Variants in LPIN1 observed in about 807,000 individuals in gnomAD.
LPIN1 encodes the protein lipin 1.
In LPIN1, 71 loss-of-function variants were observed where a neutral mutation model predicts 107.5. That is an observed-to-expected ratio of 0.66 (90% CI 0.55 to 0.80). The LOEUF (loss-of-function observed/expected upper bound fraction) is 0.80. Ranked by LOEUF, LPIN1 falls within the 30% of genes least tolerant of loss-of-function variation. The pLI, the probability that LPIN1 is intolerant of heterozygous loss-of-function variation, is 0.00. For synonymous variants in LPIN1, 445 were observed against 452.6 expected (o/e 0.98, Z 0.21); for missense variants, 1,043 against 1,160.6 (o/e 0.90, Z 1.47).
chr2:11,768,271 C>A (rs975652639), intron 3 of LPIN1, among the ~76,000 whole-genome samples: 2 of 152,102 alleles, frequency 1.3e-5, no homozygotes, highest in Admixed American at 6.5e-5. Context: ...CACAATTTAC[C>A]CATTTCAAGT....
chr2:11,691,084 GTT>G (rs59865645), intron 1 of LPIN1, among the ~76,000 whole-genome samples: 2 of 140,604 alleles, frequency 1.4e-5, no homozygotes, highest in African/African-American at 2.7e-5. Context: ...TCTTGTTGTG[GTT>G]TTTTTTTTTT....
intron 1 of LPIN1, among the ~76,000 whole-genome samples, chr2:11,761,592 A>G (rs1303319552): frequency 6.6e-5 from 10 of 152,090 alleles, no homozygotes; most frequent in Non-Finnish European, 1.2e-4. Flanking sequence ...GGTATCATTC[A>G]TGACTTCTGG....
rs568461864 is a variant in LPIN1, at chr2:11,683,980, C to T, written c.81+6252C>T. ...AGCATGGGGGTGAGTGAGGTGAGCT[C>T]GGAAGAGTCTTCTTACTTTTCTCAT... is the stretch of plus-strand genomic sequence containing the variant. On this transcript the variant is annotated intron_variant, in intron 1 of 21. Transcript: ENST00000449576. Among the ~76,000 whole-genome samples, 5 of 152,266 alleles carry T rather than the reference C, an allele frequency of 3.3e-5. No homozygotes were observed. In the South Asian group the frequency reaches 8.3e-4, roughly 25 times the overall value.
At chr2:11,686,394 T>C (rs1662003121) in intron 1 of LPIN1, among the ~76,000 whole-genome samples, 1 of 152,070 alleles carries the variant, frequency 6.6e-6, no homozygotes, top group Admixed American at 6.5e-5. Flanking sequence ...CAAGAGGTGC[T>C]CTGTAGTTAG....
chr2:11,745,271 C>T (rs1224042866), upstream of LPIN1: 2 of 152,380 alleles, frequency 1.3e-5, no homozygotes, highest in East Asian at 3.9e-4. Flanking sequence ...GCTGAGTAGC[C>T]CCTGTAATCT....
At chr2:11,734,079 G>T (rs1665541753) in intron 1 of LPIN1, among the ~76,000 whole-genome samples, 1 of 152,174 alleles carries the variant, frequency 6.6e-6, no homozygotes, top group South Asian at 2.1e-4. Context: ...AGAGTATTGT[G>T]CATTTGGCCA....
At chr2:11,807,910 T>C (rs912557962) in intron 17 of LPIN1, among the ~76,000 whole-genome samples, 2 of 152,146 alleles carry the variant, frequency 1.3e-5, no homozygotes, top group African/African-American at 4.8e-5. Context: ...CAGGTCCCAG[T>C]CTTCTGCCAA....
At chr2:11,812,512 C>T (rs1161947406) in intron 17 of LPIN1, among the ~76,000 whole-genome samples, 2 of 152,030 alleles carry the variant, frequency 1.3e-5, no homozygotes, top group African/African-American at 4.8e-5. Context: ...GGTGAGGGTA[C>T]AAGCAGTCCC....
intron 1 of LPIN1, among the ~76,000 whole-genome samples, chr2:11,734,268 A>C (rs1665564090): frequency 1.3e-5 from 2 of 151,678 alleles, no homozygotes; most frequent in Non-Finnish European, 2.9e-5. Flanking sequence ...AATAATAACG[A>C]GCATGAGGGA....
upstream of LPIN1, among the ~76,000 whole-genome samples, chr2:11,719,602 G>A (rs149320749): frequency 5.9e-5 from 9 of 152,274 alleles, no homozygotes; most frequent in East Asian, 1.7e-3. Context: ...AAGTTTCCTT[G>A]AAATTTAATG....
At chr2:11,763,070 T>C (rs1229685522) in intron 1 of LPIN1, 4 of 151,988 alleles carry the variant, frequency 2.6e-5, no homozygotes, top group African/African-American at 9.7e-5. Flanking sequence ...ATCAGGTGAA[T>C]AAACGGGAGA....
At chr2:11,808,693 C>T (rs1572956493) in intron 17 of LPIN1, among the ~76,000 whole-genome samples, 1 of 151,756 alleles carries the variant, frequency 6.6e-6, no homozygotes, top group African/African-American at 2.4e-5. Flanking sequence ...GGCCAACATG[C>T]TGAAACCCCA....
chr2:11,759,721 C>CGGGCA, intron 1 of LPIN1, among the ~76,000 whole-genome samples: 1 of 127,450 alleles, frequency 7.8e-6, no homozygotes, highest in Non-Finnish European at 1.7e-5. Context: ...GGGTGGCGGC[C>CGGGCA]GGGCAGAGGG....
chr2:11,788,468 CATG>C lies in LPIN1; in HGVS notation c.1713+14_1713+16del. 6.2e-7 allele frequency: 1 copy of C among 1,605,804 alleles called. No individual in the cohort carries two copies. The highest frequency in any genetic ancestry group is 1.1e-5 in the South Asian group (1 of 90,922). The stretch of plus-strand genomic sequence containing the variant: ...AACCTTTGCCAAAGGTGAGCTTTAA[CATG>C]AGAAAGAAAAGGGGATGCTAGAAAT... On this transcript the variant is annotated intron_variant, in intron 12 of 20. Transcript: ENST00000674199.
rs1440947879 is a variant in LPIN1 at position 11,713,941 on chromosome 2, C to T, written c.138+129C>T. ...TCTCCAAGGCAGGCCTATTCCTTTC[C>T]GCTGATGCTTTCAGAGATTGCCCGC... On this transcript the variant is annotated intron_variant, in intron 2 of 21. Transcript: ENST00000449576. 7 of 586,982 alleles carry T rather than the reference C, an allele frequency of 1.2e-5. No individual in the cohort carries two copies. The Admixed American group carries it at 1.2e-4, about 10-fold the overall frequency. The allele number at this position is 586,982 out of a possible 1,614,324, so 36.4% of individuals were successfully genotyped here. A position where few individuals can be genotyped will look rare whatever the true frequency, so the allele number is the denominator to read the frequency against.
chr2:11,782,623 A>G, intron 8 of LPIN1, 116 bp downstream of exon 8: 1 of 1,158,400 alleles, frequency 8.6e-7, no homozygotes. Flanking sequence ...AACCGTGACA[A>G]TGATCATGTT....
intron 16 of LPIN1, 36 bp from the exon 17 acceptor site, chr2:11,805,034 T>G (rs776399408): frequency 1.5e-6 from 2 of 1,345,026 alleles, no homozygotes; most frequent in South Asian, 2.3e-5. Flanking sequence ...CTGAAAGGGA[T>G]TTTTACTTTA....
chr2:11,705,328 A>G (rs990198492), intron 1 of LPIN1, among the ~76,000 whole-genome samples: 1 of 152,238 alleles, frequency 6.6e-6, no homozygotes, highest in Non-Finnish European at 1.5e-5. Flanking sequence ...ACAAGTGCTT[A>G]TTGACTACCG....
At position 11,726,958 on chromosome 2, in the gene LPIN1, A is replaced by G. The variant is rs577640946; in HGVS notation, c.-72+2419A>G. Reference sequence around the variant, plus strand: ...ATGCATTATTGGGATGAAGGCCACAAAGGAACGTGCCCTTTTCAGTGCCTG... The same window carrying G: ...ATGCATTATTGGGATGAAGGCCACAGAGGAACGTGCCCTTTTCAGTGCCTG... On this transcript the variant is annotated intron_variant, in intron 1 of 21. Transcript: ENST00000396097. Among the ~76,000 whole-genome samples the G allele has an allele frequency of 4.6e-5, 7 of 152,328 alleles. 1 individual carries two copies. In the South Asian group the frequency reaches 1.4e-3, roughly 32 times the overall value.
Sources: allele counts gnomAD v4.1 joint callset (sites outside exome capture counted in the v4.1 genomes callset), GRCh38; gene constraint gnomAD v4.1.1; transcripts MANE v1.5; gene names NCBI Gene and HGNC (gene_info 2026-07-23, HGNC 2026-07-21).